SLC14A2: variants seen among roughly 807,000 people sequenced by gnomAD.
SLC14A2 encodes urea transporter 2.
Under a neutral mutation model 104.6 loss-of-function variants are expected in SLC14A2, and 91 were observed. The ratio of observed to expected loss-of-function variants is 0.87; its 90% CI spans 0.73 to 1.04. The LOEUF (loss-of-function observed/expected upper bound fraction) is 1.04. Ranked by LOEUF, SLC14A2 falls within the 50% of genes least tolerant of loss-of-function variation. The pLI, the probability that SLC14A2 is intolerant of heterozygous loss-of-function variation, is 0.00. For synonymous variants in SLC14A2, 476 were observed against 466.4 expected (o/e 1.02, Z -0.27); for missense variants, 1,189 against 1,156.0 (o/e 1.03, Z -0.41).
intron 2 of SLC14A2, among the ~76,000 whole-genome samples, chr18:45,491,713 A>G (rs2043004582): frequency 6.6e-6 from 1 of 152,190 alleles, no homozygotes; most frequent in South Asian, 2.1e-4. Flanking sequence ...GCAGGAGGCT[A>G]CAGGAGAGCA....
chr18:45,189,119 G>A, the SLC14A2 span, among the ~76,000 whole-genome samples: 4 of 152,140 alleles, frequency 2.6e-5, no homozygotes, highest in Admixed American at 2.6e-4. Flanking sequence ...TATGTAAAAA[G>A]CTAGTAAGTG....
At chr18:45,521,328 A>G (rs1217691690) in intron 2 of SLC14A2, among the ~76,000 whole-genome samples, 1 of 152,222 alleles carries the variant, frequency 6.6e-6, no homozygotes, top group African/African-American at 2.4e-5. Flanking sequence ...AGTTTCTGGC[A>G]TTGTGCTAAG....
At chr18:45,217,119 G>C (rs940803365) in intron 1 of SLC14A2, among the ~76,000 whole-genome samples, 10 of 151,418 alleles carry the variant, frequency 6.6e-5, no homozygotes, top group Admixed American at 6.6e-4. Context: ...TCCTTTCCTT[G>C]CACTTCTATT....
chr18:45,485,637 G>A (rs2144711810), intron 2 of SLC14A2, among the ~76,000 whole-genome samples: 1 of 152,284 alleles, frequency 6.6e-6, no homozygotes, highest in East Asian at 1.9e-4. Flanking sequence ...CTAGTAGGCA[G>A]GTGACAGTCT....
At chr18:45,177,967 G>A in the SLC14A2 span, among the ~76,000 whole-genome samples, 1 of 152,150 alleles carries the variant, frequency 6.6e-6, no homozygotes, top group African/African-American at 2.4e-5. Context: ...AGATGGAGAA[G>A]TTCCATATCA....
intron 1 of SLC14A2, among the ~76,000 whole-genome samples, chr18:45,226,199 G>C (rs2084114651): frequency 1.3e-5 from 2 of 152,172 alleles, no homozygotes; most frequent in Non-Finnish European, 2.9e-5. Flanking sequence ...GGAGAAATAG[G>C]AACACTTTTA....
chr18:45,261,443 A>G (rs940387766), intron 1 of SLC14A2, among the ~76,000 whole-genome samples: 1 of 151,306 alleles, frequency 6.6e-6, no homozygotes, highest in African/African-American at 2.4e-5. Flanking sequence ...GTTTTAGGGT[A>G]CATATGCACA....
At chr18:45,532,408 G>T (rs1352027506) in intron 2 of SLC14A2, among the ~76,000 whole-genome samples, 1 of 151,416 alleles carries the variant, frequency 6.6e-6, no homozygotes, top group Non-Finnish European at 1.5e-5. Flanking sequence ...CCTTGAAGAG[G>T]TCCTTCACAT....
the SLC14A2 span, among the ~76,000 whole-genome samples, chr18:45,207,982 G>C: frequency 6.6e-6 from 1 of 152,084 alleles, no homozygotes; most frequent in Non-Finnish European, 1.5e-5. Flanking sequence ...AAGTTAAGGG[G>C]ATTTTCTCAA....
intron 1 of SLC14A2, among the ~76,000 whole-genome samples, chr18:45,361,272 G>A (rs2144327783): frequency 6.6e-6 from 1 of 152,250 alleles, no homozygotes; most frequent in African/African-American, 2.4e-5. Context: ...TCCCCCAGTA[G>A]CCACAGGACA....
At chr18:45,240,330 C>G (rs141248863) in intron 1 of SLC14A2, among the ~76,000 whole-genome samples, 1 of 151,524 alleles carries the variant, frequency 6.6e-6, no homozygotes, top group Non-Finnish European at 1.5e-5. Context: ...CTCCTGACCT[C>G]GTGATCAGCC....
At chr18:45,412,749 A>G (rs1180908568) in intron 1 of SLC14A2, among the ~76,000 whole-genome samples, 2 of 152,216 alleles carry the variant, frequency 1.3e-5, no homozygotes, top group Non-Finnish European at 2.9e-5. Context: ...GCTGAGTCAT[A>G]GGGACTTGCC....
At chr18:45,496,907 T>G (rs1276725306) in intron 2 of SLC14A2, among the ~76,000 whole-genome samples, 1 of 152,216 alleles carries the variant, frequency 6.6e-6, no homozygotes, top group Non-Finnish European at 1.5e-5. Flanking sequence ...CTTTGGCTTA[T>G]GGACTCTGGA....
chr18:45,205,773 A>T, the SLC14A2 span, among the ~76,000 whole-genome samples: 1 of 152,204 alleles, frequency 6.6e-6, no homozygotes, highest in Non-Finnish European at 1.5e-5. Context: ...GGCTGGACCT[A>T]TCCAGGAATC....
chr18:45,349,039 G>C (rs897558497), intron 1 of SLC14A2, among the ~76,000 whole-genome samples: 4 of 152,198 alleles, frequency 2.6e-5, no homozygotes, highest in African/African-American at 9.7e-5. Flanking sequence ...GAAAGTGTTG[G>C]ACGTGCAGTA....
chr18:45,655,909 G>A (rs977028306), intron 10 of SLC14A2, among the ~76,000 whole-genome samples: 1 of 152,164 alleles, frequency 6.6e-6, no homozygotes, highest in African/African-American at 2.4e-5. Flanking sequence ...TACCATTGCA[G>A]GAGTAAATAA....
At chr18:45,537,061 C>T (rs988391688) in intron 2 of SLC14A2, among the ~76,000 whole-genome samples, 5 of 116,384 alleles carry the variant, frequency 4.3e-5, no homozygotes, top group Admixed American at 9.9e-5. Context: ...CTCCCTCCCT[C>T]CCTCCCTTCC....
At chr18:45,323,159 G>C (rs976031419) in intron 1 of SLC14A2, among the ~76,000 whole-genome samples, 5 of 152,162 alleles carry the variant, frequency 3.3e-5, no homozygotes, top group Non-Finnish European at 5.9e-5. Flanking sequence ...TAGGCTCTTG[G>C]TGTGTAAATA....
intron 1 of SLC14A2, among the ~76,000 whole-genome samples, chr18:45,399,916 T>A (rs558784297): frequency 2.0e-5 from 3 of 152,160 alleles, no homozygotes; most frequent in South Asian, 2.1e-4. Context: ...CACACTTGGC[T>A]GTGGCCCCAA....
Sources: allele counts gnomAD v4.1 joint callset (sites outside exome capture counted in the v4.1 genomes callset), GRCh38; gene constraint gnomAD v4.1.1; transcripts MANE v1.5; gene names NCBI Gene and HGNC (gene_info 2026-07-23, HGNC 2026-07-21).